STXBP5L: variants seen among roughly 807,000 people sequenced by gnomAD.
STXBP5L encodes syntaxin-binding protein 5-like.
In STXBP5L, 65 loss-of-function variants were observed where a neutral mutation model predicts 144.5. That is an observed-to-expected ratio of 0.45 (90% CI 0.37 to 0.55). The LOEUF is 0.55. STXBP5L is among the 20% of genes least tolerant of loss of function. The probability of loss-of-function intolerance (pLI) is 0.00; values close to 1 mark genes in which losing one functional copy is unlikely to be tolerated. For synonymous variants in STXBP5L, 505 were observed against 469.6 expected (o/e 1.08, Z -0.97); for missense variants, 1,298 against 1,405.5 (o/e 0.92, Z 1.22).
At chr3:121,042,625 A>G (rs1030768589) in intron 4 of STXBP5L, among the ~76,000 whole-genome samples, 13 of 152,262 alleles carry the variant, frequency 8.5e-5, no homozygotes, top group African/African-American at 3.1e-4. Flanking sequence ...ATATATCTAT[A>G]TCTGTTTATC....
At chr3:121,315,844 A>T (rs1214024854) in intron 19 of STXBP5L, among the ~76,000 whole-genome samples, 3 of 151,976 alleles carry the variant, frequency 2.0e-5, no homozygotes, top group Non-Finnish European at 2.9e-5. Flanking sequence ...TCTACTAAAA[A>T]TATAAAAATT....
At chr3:121,179,820 C>G (rs1273410291) in intron 9 of STXBP5L, among the ~76,000 whole-genome samples, 1 of 151,948 alleles carries the variant, frequency 6.6e-6, no homozygotes, top group Admixed American at 6.6e-5. Context: ...CAGACTAGAA[C>G]AAGTAGAAGA....
At chr3:121,052,135 C>T (rs1017581749) in intron 5 of STXBP5L, among the ~76,000 whole-genome samples, 7 of 152,234 alleles carry the variant, frequency 4.6e-5, no homozygotes, top group Admixed American at 3.9e-4. Flanking sequence ...GATTCACAAC[C>T]GAATTCTACC....
At chr3:121,236,280 T>TACCTATATATTACCTA (rs2049480247) in intron 12 of STXBP5L, among the ~76,000 whole-genome samples, 1 of 152,194 alleles carries the variant, frequency 6.6e-6, no homozygotes, top group African/African-American at 2.4e-5. Flanking sequence ...GCAAAAAAAT[T>TACCTATATATTACCTA]TAAAAGTTTC....
chr3:121,331,986 TAC>T (rs2044334953), intron 20 of STXBP5L, among the ~76,000 whole-genome samples: 1 of 151,324 alleles, frequency 6.6e-6, no homozygotes, highest in African/African-American at 2.4e-5. Context: ...AAGAAACTCA[TAC>T]AGAGTCTTCA....
chr3:121,073,530 A>G (rs1437239336), intron 5 of STXBP5L, among the ~76,000 whole-genome samples: 1 of 152,192 alleles, frequency 6.6e-6, no homozygotes, highest in Non-Finnish European at 1.5e-5. Flanking sequence ...GCCGTGGGCC[A>G]GTACCATGAC....
intron 3 of STXBP5L, among the ~76,000 whole-genome samples, chr3:121,041,213 TTTTA>T (rs1560043166): frequency 6.6e-6 from 1 of 151,900 alleles, no homozygotes; most frequent in Non-Finnish European, 1.5e-5. Context: ...TGTTTTATAC[TTTTA>T]TTTAGTCAGA....
chr3:121,246,000 C>T (rs911320058), intron 14 of STXBP5L, among the ~76,000 whole-genome samples: 2 of 152,140 alleles, frequency 1.3e-5, no homozygotes, highest in African/African-American at 2.4e-5. Context: ...CTTAAGCACA[C>T]ATGGACCTTG....
At chr3:121,054,719 C>T (rs967169795) in intron 5 of STXBP5L, among the ~76,000 whole-genome samples, 1 of 151,760 alleles carries the variant, frequency 6.6e-6, no homozygotes, top group Non-Finnish European at 1.5e-5. Context: ...TGCACATGTA[C>T]CGTAAAACTT....
chr3:121,217,440 T>C (rs1204956235), intron 10 of STXBP5L, among the ~76,000 whole-genome samples: 2 of 152,110 alleles, frequency 1.3e-5, no homozygotes, highest in Non-Finnish European at 2.9e-5. Flanking sequence ...GGGAGGAAGT[T>C]CTTCAACCCC....
intron 5 of STXBP5L, among the ~76,000 whole-genome samples, chr3:121,047,796 A>G (rs1048712756): frequency 3.9e-5 from 6 of 152,132 alleles, no homozygotes; most frequent in African/African-American, 1.4e-4. Flanking sequence ...CTGCTTCTTT[A>G]TACAGCTTGC....
At chr3:121,286,328 A>C (rs2051232019) in intron 19 of STXBP5L, among the ~76,000 whole-genome samples, 2 of 152,210 alleles carry the variant, frequency 1.3e-5, no homozygotes, top group Non-Finnish European at 2.9e-5. Flanking sequence ...AGGAATGGAG[A>C]AGTAAACAAA....
intron 5 of STXBP5L, among the ~76,000 whole-genome samples, chr3:121,063,468 T>C (rs915628106): frequency 5.3e-5 from 8 of 152,216 alleles, no homozygotes; most frequent in African/African-American, 1.4e-4. Flanking sequence ...TCAGGAGTTA[T>C]GGGGGTTAGG....
chr3:121,318,575 A>G (rs767371041), intron 20 of STXBP5L, 35 bp downstream of exon 20: 2 of 1,392,586 alleles, frequency 1.4e-6, no homozygotes, highest in East Asian at 2.5e-5. Context: ...ACTTCTGGTA[A>G]TTCACTGCAG....
intron 20 of STXBP5L, among the ~76,000 whole-genome samples, chr3:121,359,603 C>A (rs1344224506): frequency 2.0e-5 from 3 of 151,868 alleles, no homozygotes; most frequent in Non-Finnish European, 4.4e-5. Context: ...GTCTTTAATC[C>A]GTTTTGATTT....
intron 3 of STXBP5L, among the ~76,000 whole-genome samples, chr3:121,041,139 G>T (rs1489362682): frequency 2.0e-5 from 3 of 149,716 alleles, no homozygotes; most frequent in Non-Finnish European, 4.4e-5. Context: ...ATATGTAGAT[G>T]ACTTGTTACC....
chr3:121,418,819 T>C (rs1449259154), intron 26 of STXBP5L, among the ~76,000 whole-genome samples: 1 of 152,174 alleles, frequency 6.6e-6, no homozygotes, highest in Admixed American at 6.5e-5. Context: ...ACATCTGGGA[T>C]CCACATCCTC....
chr3:120,951,747 C>T (rs529502841), intron 2 of STXBP5L, among the ~76,000 whole-genome samples: 7 of 152,096 alleles, frequency 4.6e-5, no homozygotes, highest in Admixed American at 1.3e-4. Flanking sequence ...GTCAGTGTGG[C>T]GATTCCTCAG....
chr3:121,416,044 C>T (rs2047224105), intron 25 of STXBP5L, 76 bp downstream of exon 25: 8 of 1,120,456 alleles, frequency 7.1e-6, no homozygotes, highest in Non-Finnish European at 1.0e-5. Context: ...GTGTGTGTAA[C>T]TTAATGTAAT....
Sources: gnomAD v4.1 joint callset for allele counts (sites outside exome capture counted in the v4.1 genomes callset) on GRCh38, gnomAD v4.1.1 for gene constraint, MANE v1.5 for transcripts, NCBI Gene and HGNC (gene_info 2026-07-23, HGNC 2026-07-21) for gene names.